Variants in SRBD1 observed in about 807,000 individuals in gnomAD.
SRBD1 encodes S1 RNA binding domain 1.
Under a neutral mutation model 115.3 loss-of-function variants are expected in SRBD1, and 88 were observed. The observed-to-expected ratio is 0.76, with a 90% CI of 0.64 to 0.91. The LOEUF (loss-of-function observed/expected upper bound fraction) is 0.91. Among genes scored for constraint, SRBD1 ranks in the 40% least tolerant of loss-of-function variants. The pLI is 0.00. For synonymous variants in SRBD1, 509 were observed against 407.7 expected, an observed-to-expected ratio of 1.25 and a Z score of -2.99; for missense variants, 1,385 against 1,177.4, an observed-to-expected ratio of 1.18 and a Z score of -2.58.
intron 16 of SRBD1, among the ~76,000 whole-genome samples, chr2:45,469,633 A>G (rs1669588379): frequency 6.6e-6 from 1 of 152,214 alleles, no homozygotes. Context: ...CATAGGAAGC[A>G]TAATTCATCC....
intron 16 of SRBD1, among the ~76,000 whole-genome samples, chr2:45,428,317 G>T (rs567146336): frequency 6.6e-6 from 1 of 152,240 alleles, no homozygotes; most frequent in East Asian, 1.9e-4. Context: ...TTGGGAGGCC[G>T]AGGCGGGCGG....
chr2:45,530,021 A>C (rs1425575838), intron 14 of SRBD1, among the ~76,000 whole-genome samples: 28 of 152,050 alleles, frequency 1.8e-4, no homozygotes, highest in Admixed American at 1.8e-3. Flanking sequence ...GCATGGTTTA[A>C]ACAATGGAAC....
chr2:45,466,837 T>C (rs1297409486), intron 16 of SRBD1, among the ~76,000 whole-genome samples: 1 of 152,200 alleles, frequency 6.6e-6, no homozygotes, highest in Non-Finnish European at 1.5e-5. Flanking sequence ...CAGATTCTGA[T>C]TCAACAGGCC....
At chr2:45,564,065 T>A (rs1341419085) in intron 9 of SRBD1, among the ~76,000 whole-genome samples, 1 of 151,840 alleles carries the variant, frequency 6.6e-6, no homozygotes, top group Non-Finnish European at 1.5e-5. Flanking sequence ...GCAAACCACA[T>A]CCAGAAATAT....
At chr2:45,483,333 C>G (rs1387976430) in intron 15 of SRBD1, among the ~76,000 whole-genome samples, 2 of 151,964 alleles carry the variant, frequency 1.3e-5, no homozygotes. Flanking sequence ...ATTTGACACA[C>G]CAAAAGTTGG....
chr2:45,423,149 A>G (rs1422056699), intron 16 of SRBD1, among the ~76,000 whole-genome samples: 1 of 152,218 alleles, frequency 6.6e-6, no homozygotes, highest in Non-Finnish European at 1.5e-5. Context: ...TGGTAATGAT[A>G]TTCTTGTAGA....
rs771897796 is a variant in SRBD1, at chr2:45,599,574, T to C, written c.523A>G (p.Thr175Ala). The stretch of plus-strand genomic sequence containing the variant: ...TTCTTTAAAGCGGACTGACCAAATG[T>C]AAAGTCATCGTCATTCTCTTCCTTC... Reference protein sequence around the residue: ...CKKEENDDDFTFGQSALKKIK... With the variant: ...CKKEENDDDFAFGQSALKKIK... Residue 175 changes from threonine (T) to alanine (A), a missense_variant, in exon 4 of 21, where the codon ACA becomes GCA. By Grantham distance (58) the Thr-to-Ala change is moderately conservative (BLOSUM62 0). Transcript: ENST00000263736. 3 of 1,614,226 alleles carry C rather than the reference T, an allele frequency of 1.9e-6. No individual in the cohort carries two copies. The South Asian group carries it at 3.3e-5, about 18-fold the overall frequency.
chr2:45,464,456 T>G (rs1010599561), intron 16 of SRBD1, among the ~76,000 whole-genome samples: 1 of 152,220 alleles, frequency 6.6e-6, no homozygotes, highest in African/African-American at 2.4e-5. Context: ...GATCATTGGT[T>G]AGATGGCAAA....
chr2:45,584,562 T>G (rs1166608064), intron 5 of SRBD1, among the ~76,000 whole-genome samples: 4 of 152,236 alleles, frequency 2.6e-5, no homozygotes, highest in Admixed American at 1.3e-4. Flanking sequence ...CTTAATACTT[T>G]TAAAATGGCT....
At chr2:45,598,788 A>G (rs961936897) in intron 4 of SRBD1, among the ~76,000 whole-genome samples, 1 of 152,000 alleles carries the variant, frequency 6.6e-6, no homozygotes, top group Admixed American at 6.6e-5. Flanking sequence ...CATGGGACAG[A>G]TAACAGGGAG....
intron 16 of SRBD1, among the ~76,000 whole-genome samples, chr2:45,472,513 T>A (rs1225455234): frequency 3.9e-5 from 6 of 152,144 alleles, no homozygotes; most frequent in African/African-American, 1.2e-4. Flanking sequence ...CACTATGTCA[T>A]CCAGGCTGGA....
chr2:45,471,425 A>G (rs1289108694), intron 16 of SRBD1, among the ~76,000 whole-genome samples: 5 of 152,200 alleles, frequency 3.3e-5, no homozygotes, highest in Admixed American at 6.5e-5. Context: ...AACTCATACT[A>G]TAATTTTAAA....
intron 14 of SRBD1, among the ~76,000 whole-genome samples, chr2:45,541,496 T>C (rs1281913577): frequency 6.6e-6 from 1 of 152,236 alleles, no homozygotes; most frequent in African/African-American, 2.4e-5. Context: ...GAATGAGGTA[T>C]GTGGACAACT....
intron 16 of SRBD1, among the ~76,000 whole-genome samples, chr2:45,441,517 G>A (rs1355394645): frequency 6.6e-6 from 1 of 152,116 alleles, no homozygotes; most frequent in Non-Finnish European, 1.5e-5. Context: ...TGGTTTAGTT[G>A]AAGATCTCTT....
intron 16 of SRBD1, among the ~76,000 whole-genome samples, chr2:45,440,716 T>C (rs1039457876): frequency 3.3e-5 from 5 of 152,122 alleles, no homozygotes; most frequent in African/African-American, 4.8e-5. Context: ...CTTTTAGCCA[T>C]AAGAAAGAAT....
chr2:45,417,744 T>C (rs1418883717), intron 18 of SRBD1, among the ~76,000 whole-genome samples: 1 of 152,330 alleles, frequency 6.6e-6, no homozygotes, highest in East Asian at 1.9e-4. Context: ...CTTTGGTCCA[T>C]TTTCAGTGAG....
At chr2:45,576,756 T>C (rs1426742572) in intron 7 of SRBD1, among the ~76,000 whole-genome samples, 1 of 152,074 alleles carries the variant, frequency 6.6e-6, no homozygotes, top group Non-Finnish European at 1.5e-5. Flanking sequence ...CATCATCACA[T>C]GAAGTTTAAT....
At chr2:45,601,755 G>C in intron 3 of SRBD1, 148 bp downstream of exon 3, 1 of 1,011,166 alleles carries the variant, frequency 9.9e-7, no homozygotes, top group Non-Finnish European at 1.4e-6. Context: ...ACACAGTACA[G>C]ACCCAAAAAT....
chr2:45,606,522 T>C (rs1674280142), intron 1 of SRBD1, among the ~76,000 whole-genome samples: 1 of 152,180 alleles, frequency 6.6e-6, no homozygotes, highest in South Asian at 2.1e-4. Flanking sequence ...ATGAAATAAA[T>C]GATGCTGATT....
Sources: allele counts gnomAD v4.1 joint callset (sites outside exome capture counted in the v4.1 genomes callset), GRCh38; gene constraint gnomAD v4.1.1; transcripts MANE v1.5; gene names NCBI Gene and HGNC (gene_info 2026-07-23, HGNC 2026-07-21).